The following STK33 variants were observed in gnomAD, a reference collection of about 807,000 sequenced individuals.
STK33 encodes the protein serine/threonine-protein kinase 33.
Under a neutral mutation model 58.0 loss-of-function variants are expected in STK33, and 52 were observed. The observed-to-expected ratio is 0.90, with a 90% CI of 0.72 to 1.13. STK33 has a LOEUF of 1.13. Ranked by LOEUF, STK33 falls within the 50% of genes most tolerant of loss-of-function variation. The pLI, the probability that STK33 is intolerant of heterozygous loss-of-function variation, is 0.00. For synonymous variants in STK33, 215 were observed against 200.1 expected, an observed-to-expected ratio of 1.07 and a Z score of -0.63; for missense variants, 630 against 604.2, an observed-to-expected ratio of 1.04 and a Z score of -0.45.
intron 8 of STK33, among the ~76,000 whole-genome samples, chr11:8,461,412 C>T (rs900035661): frequency 6.6e-6 from 1 of 152,032 alleles, no homozygotes; most frequent in Non-Finnish European, 1.5e-5. Flanking sequence ...GAAAAATATA[C>T]CCATACCAAT....
At chr11:8,422,809 G>A (rs1217468359) in intron 14 of STK33, among the ~76,000 whole-genome samples, 1 of 151,648 alleles carries the variant, frequency 6.6e-6, no homozygotes, top group Non-Finnish European at 1.5e-5. Context: ...TTTTCCATAT[G>A]TAAGATTTTT....
chr11:8,500,611 C>A (rs1951442660), intron 1 of STK33, among the ~76,000 whole-genome samples: 1 of 152,050 alleles, frequency 6.6e-6, no homozygotes, highest in Non-Finnish European at 1.5e-5. Context: ...TCAATACTCC[C>A]CAAACTGATC....
At chr11:8,474,601 T>C (rs181003684) in intron 5 of STK33, 80 bp downstream of exon 5, 2 of 1,004,082 alleles carry the variant, frequency 2.0e-6, no homozygotes, top group Admixed American at 3.0e-5. Context: ...CAAGAACTCA[T>C]GGGATATGGA....
chr11:8,455,595 T>C (rs1021763237), intron 9 of STK33, among the ~76,000 whole-genome samples: 6 of 151,748 alleles, frequency 4.0e-5, no homozygotes, highest in African/African-American at 7.3e-5. Flanking sequence ...GATCATGAGG[T>C]CAGGAGATCA....
At chr11:8,448,968 C>T (rs1745499697) in intron 11 of STK33, among the ~76,000 whole-genome samples, 2 of 151,696 alleles carry the variant, frequency 1.3e-5, no homozygotes, top group South Asian at 2.1e-4. Context: ...AAAAAGTGGG[C>T]AAAGGAAATG....
At chr11:8,455,810 C>CAAAAAAA (rs1156835375) in intron 9 of STK33, among the ~76,000 whole-genome samples, 1,683 of 47,134 alleles carry the variant, frequency 0.036, 100 homozygotes, top group Non-Finnish European at 0.052. Flanking sequence ...GACTCTGTCT[C>CAAAAAAA]AAAAAAAAAA....
At chr11:8,477,165 CACACACACACAT>C (rs996774881) in intron 3 of STK33, 73 bp downstream of exon 3, 1 of 151,924 alleles carries the variant, frequency 6.6e-6, no homozygotes, top group African/African-American at 2.4e-5. Flanking sequence ...CACACACACA[CACACACACACAT>C]ACACATCTCT....
chr11:8,500,843 T>C lies in STK33; in HGVS notation c.-465-20229A>G, dbSNP rs561431210. Among the ~76,000 whole-genome samples the C allele has an allele frequency of 1.7e-3, 257 of 152,260 alleles. 2 individuals are homozygous for C. Among genetic ancestry groups the C allele is most frequent in the African/African-American group, 6.0e-3 (249 of 41,566 alleles). On this transcript the variant is annotated intron_variant, in intron 1 of 15. Coordinates refer to ENST00000687296, the MANE Select transcript of STK33 (RefSeq NM_001352389.2). ...TGGCCTACAACAGACATATAGATCA[T>C]AGGACAGAATTGAGAGTCCAGAAAT...
At chr11:8,456,132 C>T (rs1946833156) in intron 9 of STK33, among the ~76,000 whole-genome samples, 1 of 152,118 alleles carries the variant, frequency 6.6e-6, no homozygotes, top group African/African-American at 2.4e-5. Context: ...AAAAATGTTG[C>T]TAAGATTTTG....
intron 1 of STK33, among the ~76,000 whole-genome samples, chr11:8,495,453 T>C (rs146242973): frequency 0.012 from 1,812 of 152,218 alleles, 38 homozygotes; most frequent in African/African-American, 0.041. Flanking sequence ...AAACAACAGA[T>C]ACTGGAGAGG....
rs547106644 is a variant in STK33, at chr11:8,590,649, A to T, written c.-466+3434T>A. On this transcript the variant is annotated intron_variant, in intron 1 of 15. Transcript: ENST00000687296. ...AAAATAAAACAACTTCAAGTCAATA[A>T]AACTGTGGGATTTGTGAGGTTAGTA... is the stretch of plus-strand genomic sequence containing the variant. Among the ~76,000 whole-genome samples the T allele has an allele frequency of 2.0e-3, 305 of 152,158 alleles. 2 individuals carry two copies. The highest frequency in any genetic ancestry group is 7.0e-3 in the African/African-American group (290 of 41,562).
intron 11 of STK33, among the ~76,000 whole-genome samples, chr11:8,443,001 A>C (rs1308125063): frequency 6.6e-6 from 1 of 152,214 alleles, no homozygotes; most frequent in African/African-American, 2.4e-5. Context: ...GGGTGACAGA[A>C]ATGTTCTATG....
intron 15 of STK33, among the ~76,000 whole-genome samples, chr11:8,412,875 G>C (rs896773377): frequency 6.6e-6 from 1 of 152,002 alleles, no homozygotes; most frequent in Non-Finnish European, 1.5e-5. Flanking sequence ...TCACAATCTA[G>C]AACTAATCAA....
At chr11:8,362,467 G>C in the STK33 span, among the ~76,000 whole-genome samples, 1 of 152,040 alleles carries the variant, frequency 6.6e-6, no homozygotes, top group South Asian at 2.1e-4. Flanking sequence ...GGGCTGATCG[G>C]GAAATATATT....
chr11:8,550,676 C>G lies in STK33; in HGVS notation c.-466+43407G>C, dbSNP rs187769924. On this transcript the variant is annotated intron_variant, in intron 1 of 15. Transcript: ENST00000687296. ...CTCTTTTCTAAAACATAACAAGAGGCATCTTTGCTCCAGTTCCCAACAAGT... is the reference window on the plus strand; with the variant it reads ...CTCTTTTCTAAAACATAACAAGAGGGATCTTTGCTCCAGTTCCCAACAAGT... Among the ~76,000 whole-genome samples, 115 of 152,300 alleles carry G rather than the reference C, an allele frequency of 7.6e-4. 1 individual carries two copies. The East Asian group carries it at 0.02, about 26-fold the overall frequency.
At chr11:8,510,979 T>C (rs1353340640) in intron 1 of STK33, among the ~76,000 whole-genome samples, 1 of 152,168 alleles carries the variant, frequency 6.6e-6, no homozygotes, top group Non-Finnish European at 1.5e-5. Context: ...GGAAGCTCTT[T>C]CTTGGTTCTG....
intron 14 of STK33, among the ~76,000 whole-genome samples, chr11:8,419,708 C>T (rs1015027985): frequency 1.3e-5 from 2 of 152,098 alleles, no homozygotes; most frequent in African/African-American, 4.8e-5. Context: ...TTCTTCCGAT[C>T]CATGAGCATG....
intron 1 of STK33, among the ~76,000 whole-genome samples, chr11:8,512,993 T>C (rs1952463425): frequency 6.6e-6 from 1 of 152,190 alleles, no homozygotes; most frequent in South Asian, 2.1e-4. Context: ...AGAGAAAAAA[T>C]TAAACAAATT....
At chr11:8,568,412 T>C (rs1027707662) in intron 1 of STK33, among the ~76,000 whole-genome samples, 1 of 152,194 alleles carries the variant, frequency 6.6e-6, no homozygotes, top group African/African-American at 2.4e-5. Flanking sequence ...GAATTATATA[T>C]GTAAAACCAC....
Sources: gnomAD v4.1 joint callset for allele counts (sites outside exome capture counted in the v4.1 genomes callset) on GRCh38, gnomAD v4.1.1 for gene constraint, MANE v1.5 for transcripts, NCBI Gene and HGNC (gene_info 2026-07-23, HGNC 2026-07-21) for gene names.